Variants in BTBD3 observed in about 807,000 individuals in gnomAD.
The protein encoded by BTBD3 is BTB domain containing 3, also known as BTB/POZ domain-containing protein 3.
Under a neutral mutation model 41.6 loss-of-function variants are expected in BTBD3, and 14 were observed. That is an observed-to-expected ratio of 0.34 (90% confidence interval 0.22 to 0.53). BTBD3 has a LOEUF of 0.53. Among genes scored for constraint, BTBD3 ranks in the 20% least tolerant of loss-of-function variants. The probability of loss-of-function intolerance (pLI) is 0.95; values close to 1 mark genes in which losing one functional copy is unlikely to be tolerated. For synonymous variants in BTBD3, 249 were observed against 233.7 expected, an observed-to-expected ratio of 1.07 and a Z score of -0.60; for missense variants, 426 against 654.7, an observed-to-expected ratio of 0.65 and a Z score of 3.81.
At chr20:11,917,162 A>G (rs2056923866), upstream of BTBD3, among the ~76,000 whole-genome samples, 1 of 152,216 alleles carries the variant, frequency 6.6e-6, no homozygotes, top group Admixed American at 6.5e-5. Context: ...GCCCCATCTG[A>G]AATATTTTTA....
intron 1 of BTBD3, among the ~76,000 whole-genome samples, chr20:11,905,335 C>A (rs1244119624): frequency 6.6e-6 from 1 of 152,068 alleles, no homozygotes; most frequent in Non-Finnish European, 1.5e-5. Flanking sequence ...TAGTTGTACA[C>A]GTGTTTTTTC....
At position 11,923,471 on chromosome 20, in the gene BTBD3, A is replaced by G. The variant is rs1247878663; in HGVS notation, c.1374A>G (p.Pro458=). ...CCTTTCCCGTATGGTTTGAATACCC[A>G]GTGCAGATCGAGCCAGACACCTTCT... is the stretch of plus-strand genomic sequence containing the variant. ...SNTFPVWFEY[P]VQIEPDTFYT... Residue 458 remains proline (P), a synonymous_variant, in exon 4 of 4, where the codon CCA becomes CCG. Coordinates refer to ENST00000378226, the MANE Select transcript of BTBD3 (RefSeq NM_014962.4). This position sits in a 1 kb window ranked among gnomAD's most constrained non-coding sequence, Gnocchi z 5.3. 1 of 1,614,210 alleles carries G rather than the reference A, an allele frequency of 6.2e-7. No homozygotes were observed.
intron 2 of BTBD3, 179 bp downstream of exon 2, chr20:11,919,355 C>G: frequency 7.1e-7 from 1 of 1,409,714 alleles, no homozygotes; most frequent in East Asian, 2.5e-5. Context: ...TTCTTTGTTT[C>G]CTTCTATACT....
At chr20:11,902,016 C>T (rs545850993) in intron 1 of BTBD3, among the ~76,000 whole-genome samples, 19 of 152,194 alleles carry the variant, frequency 1.2e-4, no homozygotes, top group African/African-American at 4.3e-4. Flanking sequence ...ACAACTTGAG[C>T]ATAAAGAGGC....
upstream of BTBD3, among the ~76,000 whole-genome samples, chr20:11,916,836 T>C (rs566055377): frequency 2.0e-5 from 3 of 152,164 alleles, no homozygotes; most frequent in Non-Finnish European, 4.4e-5. Context: ...TGAGATTAAA[T>C]ATTTTAATTA....
chr20:11,891,955 G>A (rs1568605569), intron 1 of BTBD3, among the ~76,000 whole-genome samples: 1 of 152,134 alleles, frequency 6.6e-6, no homozygotes, highest in Non-Finnish European at 1.5e-5. Context: ...TCGCACACCA[G>A]ACCAATTAAC....
chr20:11,911,032 A>G (rs2056886031), intron 1 of BTBD3, among the ~76,000 whole-genome samples: 1 of 152,160 alleles, frequency 6.6e-6, no homozygotes, highest in Non-Finnish European at 1.5e-5. Flanking sequence ...TAAGCAACCT[A>G]AAAAAAAGAT....
chr20:11,895,116 T>C (rs1461776830), intron 1 of BTBD3, among the ~76,000 whole-genome samples: 1 of 152,172 alleles, frequency 6.6e-6, no homozygotes, highest in African/African-American at 2.4e-5. Context: ...CTTTCTTCTT[T>C]GCTTTGTGGT....
chr20:11,917,236 C>A (rs532441528), upstream of BTBD3, among the ~76,000 whole-genome samples: 1 of 152,066 alleles, frequency 6.6e-6, no homozygotes, highest in Non-Finnish European at 1.5e-5. Flanking sequence ...ATTTTTACTT[C>A]TAGAGTTTAT....
In BTBD3 at chr20:11,924,162, G is replaced by A. The variant is rs1316327696; in HGVS notation, c.*496G>A. ...ATAATTTAGAAAGTAGACAGTGGTTGTGTTTGGCTCTCGTTTTATTCCTTT... is the reference window on the plus strand; with the variant it reads ...ATAATTTAGAAAGTAGACAGTGGTTATGTTTGGCTCTCGTTTTATTCCTTT... On this transcript the variant is annotated 3_prime_UTR_variant, in exon 4 of 4. Transcript: ENST00000378226. 2.6e-5 allele frequency: 4 copies of A among 153,200 alleles called. No individual in the cohort carries two copies. Among genetic ancestry groups the A allele is most frequent in the African/African-American group, 4.8e-5 (2 of 41,466 alleles). The allele number at this position is 153,200 out of a possible 1,614,324, so 9.5% of individuals were successfully genotyped here. A position where few individuals can be genotyped will look rare whatever the true frequency, so the allele number is the denominator to read the frequency against.
At chr20:11,897,540 C>G (rs1226479891) in intron 1 of BTBD3, among the ~76,000 whole-genome samples, 2 of 139,194 alleles carry the variant, frequency 1.4e-5, no homozygotes, top group African/African-American at 5.2e-5. Flanking sequence ...TCTTCTCTTT[C>G]TCTCCAACTC....
chr20:11,913,599 C>G (rs148569883), upstream of BTBD3: 1 of 152,168 alleles, frequency 6.6e-6, no homozygotes, highest in Non-Finnish European at 1.5e-5. Context: ...AGATCCGCCT[C>G]GTAGTCCAGG....
chr20:11,890,981 G>GGTCGGCGCCTCCGCGCGTGCGCAGCGC (rs2056747733), intron 1 of BTBD3: 1 of 982,014 alleles, frequency 1.0e-6, no homozygotes, highest in South Asian at 4.7e-5. Flanking sequence ...CGGGCGAGCG[G>GGTCGGCGCCTCCGCGCGTGCGCAGCGC]GTCGGCGCCT....
intron 1 of BTBD3, among the ~76,000 whole-genome samples, chr20:11,892,798 T>C (rs1568605904): frequency 1.3e-5 from 2 of 152,182 alleles, no homozygotes; most frequent in Non-Finnish European, 2.9e-5. Flanking sequence ...TCTAAAGCCC[T>C]AAGTTATATC....
chr20:11,896,731 T>A (rs2056789358), intron 1 of BTBD3, among the ~76,000 whole-genome samples: 1 of 152,242 alleles, frequency 6.6e-6, no homozygotes, highest in Non-Finnish European at 1.5e-5. Flanking sequence ...ATCTGCAGTT[T>A]ATCTGCTGGT....
chr20:11,898,440 G>A (rs2056803331), intron 1 of BTBD3, among the ~76,000 whole-genome samples: 1 of 152,154 alleles, frequency 6.6e-6, no homozygotes, highest in Non-Finnish European at 1.5e-5. Flanking sequence ...ATTGCAATCT[G>A]CATCCTGTAT....
At chr20:11,919,450 C>T in intron 2 of BTBD3, 2 of 1,404,122 alleles carry the variant, frequency 1.4e-6, no homozygotes, top group East Asian at 5.1e-5. Context: ...GTTTACCCTT[C>T]TCCTAGAAAT....
chr20:11,904,252 A>C (rs2122213987), intron 1 of BTBD3, among the ~76,000 whole-genome samples: 1 of 152,310 alleles, frequency 6.6e-6, no homozygotes, highest in Admixed American at 6.5e-5. Flanking sequence ...GAATCATGGC[A>C]GAAAGTAAAG....
intron 1 of BTBD3, among the ~76,000 whole-genome samples, chr20:11,911,243 C>T (rs2056887550): frequency 6.6e-6 from 1 of 152,032 alleles, no homozygotes; most frequent in African/African-American, 2.4e-5. Context: ...GGGGGAGGCA[C>T]AAGGAATCTA....
Sources: allele counts gnomAD v4.1 joint callset (sites outside exome capture counted in the v4.1 genomes callset), GRCh38; gene constraint gnomAD v4.1.1; non-coding constraint Gnocchi (gnomAD v3.1); transcripts MANE v1.5; gene names NCBI Gene and HGNC (gene_info 2026-07-23, HGNC 2026-07-21).